OPCML: variants seen among roughly 807,000 people sequenced by gnomAD.
The protein encoded by OPCML is opioid binding protein/cell adhesion molecule like, also known as opioid-binding protein/cell adhesion molecule.
In OPCML, 13 loss-of-function variants were observed where a neutral mutation model predicts 37.8. That is an observed-to-expected ratio of 0.34 (90% confidence interval 0.22 to 0.55). OPCML has a LOEUF of 0.55. OPCML is among the 20% of genes least tolerant of loss of function. The pLI, the probability that OPCML is intolerant of heterozygous loss-of-function variation, is 0.91. For synonymous variants in OPCML, 176 were observed against 168.8 expected (o/e 1.04, Z -0.33); for missense variants, 341 against 435.6 (o/e 0.78, Z 1.93).
intron 1 of OPCML, among the ~76,000 whole-genome samples, chr11:133,479,107 C>T (rs542427058): frequency 1.1e-4 from 16 of 152,238 alleles, no homozygotes; most frequent in African/African-American, 3.9e-4. Context: ...AATTCTTGGC[C>T]CACAGCAAGC....
At chr11:132,459,373 A>T (rs2096092887) in intron 4 of OPCML, among the ~76,000 whole-genome samples, 1 of 151,278 alleles carries the variant, frequency 6.6e-6, no homozygotes, top group Non-Finnish European at 1.5e-5. Flanking sequence ...TAATCATCAC[A>T]TGAGCCAATT....
intron 3 of OPCML, among the ~76,000 whole-genome samples, chr11:132,635,344 T>C (rs1230485825): frequency 1.3e-5 from 2 of 152,214 alleles, no homozygotes; most frequent in Admixed American, 6.5e-5. Flanking sequence ...CTCCCATTCC[T>C]TGTTCTTGAA....
intron 1 of OPCML, among the ~76,000 whole-genome samples, chr11:133,388,500 A>T (rs573458625): frequency 6.6e-6 from 1 of 152,336 alleles, no homozygotes; most frequent in South Asian, 2.1e-4. Flanking sequence ...GGTGACCAAG[A>T]AAAGCAAGCA....
intron 1 of OPCML, among the ~76,000 whole-genome samples, chr11:132,946,670 C>T (rs1945751280): frequency 6.6e-6 from 1 of 152,164 alleles, no homozygotes; most frequent in African/African-American, 2.4e-5. Flanking sequence ...GCAGGTATGA[C>T]AAAGGCAGCA....
In OPCML at chr11:133,234,640, C is replaced by G. The variant is rs955338256; in HGVS notation, c.62-291630G>C. ...GCCAGAGCAGCTAGTCATCTCCCTC[C>G]TCATACATCATTCTATACATTTGCA... is the stretch of plus-strand genomic sequence containing the variant. On this transcript the variant is annotated intron_variant, in intron 1 of 7. Coordinates refer to ENST00000524381, the MANE Select transcript of OPCML (RefSeq NM_001012393.5). Among the ~76,000 whole-genome samples, 4 of 152,356 alleles carry G rather than the reference C, an allele frequency of 2.6e-5. No homozygotes were observed. The South Asian group carries it at 8.3e-4, about 32-fold the overall frequency.
chr11:132,646,411 G>T (rs1941153868), intron 3 of OPCML, among the ~76,000 whole-genome samples: 1 of 152,210 alleles, frequency 6.6e-6, no homozygotes, highest in Non-Finnish European at 1.5e-5. Flanking sequence ...CTTTTGACTT[G>T]ACTTCATTGT....
intron 1 of OPCML, among the ~76,000 whole-genome samples, chr11:133,334,208 C>T (rs1943690295): frequency 6.6e-6 from 1 of 152,136 alleles, no homozygotes; most frequent in African/African-American, 2.4e-5. Context: ...TTCATTGCAG[C>T]ACTCTTCAAA....
intron 1 of OPCML, among the ~76,000 whole-genome samples, chr11:133,158,483 C>T (rs942191932): frequency 3.9e-5 from 6 of 151,918 alleles, no homozygotes; most frequent in East Asian, 3.9e-4. Flanking sequence ...GGGAGGATCA[C>T]GAGGTCAAGA....
chr11:132,454,703 G>A (rs2096077137), intron 4 of OPCML, among the ~76,000 whole-genome samples: 1 of 152,106 alleles, frequency 6.6e-6, no homozygotes, highest in Admixed American at 6.5e-5. Flanking sequence ...AGGAGAGAAG[G>A]GCTGCCTTCA....
intron 1 of OPCML, among the ~76,000 whole-genome samples, chr11:133,425,361 T>C (rs1439731516): frequency 6.6e-6 from 1 of 152,200 alleles, no homozygotes; most frequent in Non-Finnish European, 1.5e-5. Flanking sequence ...ACAAGCTATT[T>C]TGTGGTCTCC....
chr11:132,556,408 T>C (rs140587877), intron 3 of OPCML, among the ~76,000 whole-genome samples: 1 of 152,310 alleles, frequency 6.6e-6, no homozygotes, highest in African/African-American at 2.4e-5. Flanking sequence ...CTTCTAATTA[T>C]GGAATCATAA....
chr11:133,399,128 T>C (rs565232043), intron 1 of OPCML, among the ~76,000 whole-genome samples: 6 of 152,012 alleles, frequency 3.9e-5, no homozygotes, highest in African/African-American at 1.4e-4. Context: ...TTTTTTAAAT[T>C]CCCCCTCCCC....
At chr11:132,530,305 C>A in intron 3 of OPCML, among the ~76,000 whole-genome samples, 1 of 121,304 alleles carries the variant, frequency 8.2e-6, no homozygotes, top group Admixed American at 8.1e-5. Context: ...TGATGCTCTT[C>A]AACTTAAAGG....
intron 1 of OPCML, among the ~76,000 whole-genome samples, chr11:133,317,087 A>C (rs1178107719): frequency 1.3e-5 from 2 of 152,200 alleles, no homozygotes; most frequent in Non-Finnish European, 2.9e-5. Context: ...AGTCCCAGCT[A>C]CTCAAGAGGC....
intron 1 of OPCML, among the ~76,000 whole-genome samples, chr11:133,015,478 A>C: frequency 6.6e-6 from 1 of 150,668 alleles, no homozygotes; most frequent in African/African-American, 2.4e-5. Flanking sequence ...GAAGGAAGGA[A>C]TGAAGGAAGG....
intron 1 of OPCML, among the ~76,000 whole-genome samples, chr11:133,517,722 G>GTGTCCC (rs1948312931): frequency 2.6e-5 from 4 of 152,356 alleles, no homozygotes; most frequent in African/African-American, 9.6e-5. Flanking sequence ...AGGCCACAGA[G>GTGTCCC]CTGAATGGAG....
intron 2 of OPCML, among the ~76,000 whole-genome samples, chr11:132,913,829 G>C (rs1017321303): frequency 2.0e-5 from 3 of 152,082 alleles, no homozygotes; most frequent in Admixed American, 6.5e-5. Flanking sequence ...GAAAGTCATG[G>C]GGCCAAAGTC....
At chr11:133,511,633 T>G (rs903257318) in intron 1 of OPCML, among the ~76,000 whole-genome samples, 1 of 152,150 alleles carries the variant, frequency 6.6e-6, no homozygotes, top group Admixed American at 6.5e-5. Flanking sequence ...CAGTGAGGTC[T>G]GGCCAGACTG....
chr11:132,892,118 G>A (rs888197377), intron 2 of OPCML, among the ~76,000 whole-genome samples: 8 of 152,220 alleles, frequency 5.3e-5, no homozygotes, highest in African/African-American at 1.9e-4. Flanking sequence ...GCTTTTAAAA[G>A]ACAAGAGCCT....
Sources: allele counts gnomAD v4.1 joint callset (sites outside exome capture counted in the v4.1 genomes callset), GRCh38; gene constraint gnomAD v4.1.1; transcripts MANE v1.5; gene names NCBI Gene and HGNC (gene_info 2026-07-23, HGNC 2026-07-21).